Variants in WNK1 observed in about 807,000 individuals in gnomAD.
WNK1 encodes serine/threonine-protein kinase WNK1.
In WNK1, 38 loss-of-function variants were observed where a neutral mutation model predicts 222.8. The ratio of observed to expected loss-of-function variants is 0.17; its 90% CI spans 0.13 to 0.22. The LOEUF (loss-of-function observed/expected upper bound fraction) is 0.22. Among genes scored for constraint, WNK1 ranks in the 10% least tolerant of loss-of-function variants. WNK1 has a pLI of 1.00. For synonymous variants in WNK1, 1,090 were observed against 1,092.9 expected (o/e 1.00, Z 0.05); for missense variants, 2,348 against 2,918.4 (o/e 0.80, Z 4.50).
chr12:874,948 T>G (rs1360878772), intron 9 of WNK1, among the ~76,000 whole-genome samples: 3 of 152,046 alleles, frequency 2.0e-5, no homozygotes, highest in Non-Finnish European at 4.4e-5. Context: ...CAGGAAGACT[T>G]TAGGAAAAAG....
rs535198726 is a variant in WNK1 at position 791,118 on chromosome 12, G to A, written c.760-22524G>A. On this transcript the variant is annotated intron_variant, in intron 1 of 27. Coordinates refer to ENST00000315939, the MANE Select transcript of WNK1 (RefSeq NM_018979.4). ...ACCTTTTTTTAAGGATTGGCAGATC[G>A]TAGTAAATATTGTGGATGTCATAGT... Among the ~76,000 whole-genome samples, 17 of 151,990 alleles carry A rather than the reference G, an allele frequency of 1.1e-4. 1 individual carries two copies. The highest frequency in any genetic ancestry group is 4.1e-4 in the South Asian group (2 of 4,822).
At chr12:891,727 C>T (rs1179442796) in intron 22 of WNK1, among the ~76,000 whole-genome samples, 1 of 150,994 alleles carries the variant, frequency 6.6e-6, no homozygotes, top group Non-Finnish European at 1.5e-5. Flanking sequence ...GAGGGCAACA[C>T]TATTTTACAG....
intron 25 of WNK1, among the ~76,000 whole-genome samples, chr12:899,209 G>A (rs1479603713): frequency 6.6e-6 from 1 of 152,220 alleles, no homozygotes; most frequent in Non-Finnish European, 1.5e-5. Flanking sequence ...ATATCCAAAT[G>A]TAGCACATTA....
At chr12:904,088 G>A (rs560875732) in intron 26 of WNK1, among the ~76,000 whole-genome samples, 12 of 152,356 alleles carry the variant, frequency 7.9e-5, no homozygotes, top group Non-Finnish European at 1.5e-4. Flanking sequence ...CAGGAAGTGG[G>A]ACAGGATCAG....
chr12:767,982 C>T (rs1207365869), intron 1 of WNK1, among the ~76,000 whole-genome samples: 2 of 152,068 alleles, frequency 1.3e-5, no homozygotes. Context: ...TCTTTTCTAC[C>T]TAGACAAAAA....
At chr12:854,641 C>G (rs1950646705) in intron 4 of WNK1, among the ~76,000 whole-genome samples, 1 of 152,068 alleles carries the variant, frequency 6.6e-6, no homozygotes, top group African/African-American at 2.4e-5. Context: ...AGCCACCATG[C>G]CTGGCCAAGA....
chr12:768,652 G>C (rs1049090311), intron 1 of WNK1, among the ~76,000 whole-genome samples: 4 of 152,108 alleles, frequency 2.6e-5, no homozygotes, highest in African/African-American at 9.7e-5. Flanking sequence ...TCACAAATCT[G>C]TATTTACTGA....
Position 885,880 on chromosome 12 carries a change from C to G in WNK1, c.5076C>G (p.Ile1692Met), listed in dbSNP as rs1386856165. Reference protein sequence around the residue: ...LVIESTVTPGIPTTAVAPSKL... With the variant: ...LVIESTVTPGMPTTAVAPSKL... ...TAGAGAGCACTGTCACACCAGGCAT[C>G]CCAACTACTGCTGTTGCACCAAGCA... Residue 1692 changes from isoleucine (I) to methionine (M), a missense_variant, in exon 19 of 28, where the codon ATC becomes ATG. Coordinates refer to ENST00000315939, the MANE Select transcript of WNK1 (RefSeq NM_018979.4). 19 of 1,612,936 alleles carry G rather than the reference C, an allele frequency of 1.2e-5. No individual in the cohort carries two copies. Among genetic ancestry groups the G allele is most frequent in the Non-Finnish European group, 1.5e-5 (18 of 1,179,230 alleles).
intron 4 of WNK1, among the ~76,000 whole-genome samples, chr12:838,814 C>G (rs574997977): frequency 6.6e-6 from 1 of 151,864 alleles, no homozygotes; most frequent in East Asian, 1.9e-4. Context: ...AATTTTTTTT[C>G]CAAAAAAATT....
chr12:784,535 G>A (rs928890018), intron 1 of WNK1, among the ~76,000 whole-genome samples: 1 of 152,036 alleles, frequency 6.6e-6, no homozygotes, highest in African/African-American at 2.4e-5. Flanking sequence ...CATTATTGAA[G>A]TATAGTTGAC....
At chr12:897,742 G>A (rs922661308) in intron 25 of WNK1, 61 bp downstream of exon 25, 3 of 1,523,284 alleles carry the variant, frequency 2.0e-6, no homozygotes, top group South Asian at 1.1e-5. Flanking sequence ...GTCTCCAGCT[G>A]TATGTGACCT....
intron 9 of WNK1, among the ~76,000 whole-genome samples, chr12:877,459 G>A (rs1032627870): frequency 5.3e-5 from 8 of 152,114 alleles, no homozygotes; most frequent in African/African-American, 1.9e-4. Context: ...ACAGAATTTA[G>A]TATTCGAGTA....
intron 1 of WNK1, among the ~76,000 whole-genome samples, chr12:808,867 G>A (rs1284190067): frequency 6.6e-6 from 1 of 150,554 alleles, no homozygotes; most frequent in Non-Finnish European, 1.5e-5. Context: ...AGGTTCAAGC[G>A]ATTCTCTGGC....
At position 827,142 on chromosome 12, in the gene WNK1, A is replaced by G. The variant is rs754625654; in HGVS notation, c.1033A>G (p.Ile345Val). Residue 345 changes from isoleucine (I) to valine (V), a missense_variant, in exon 3 of 28, where the codon ATC becomes GTC. Coordinates refer to ENST00000315939, the MANE Select transcript of WNK1 (RefSeq NM_018979.4). This position sits in a 1 kb window ranked among gnomAD's most constrained non-coding sequence, Gnocchi z 4.6. ...GTTTCTTCATACTCGAACTCCACCTATCATTCACCGCGATCTTAAATGTGA... is the reference window on the plus strand; with the variant it reads ...GTTTCTTCATACTCGAACTCCACCTGTCATTCACCGCGATCTTAAATGTGA... The part of the protein sequence containing the change: ...LQFLHTRTPP[I>V]IHRDLKCDNI... 49 of 1,614,054 alleles carry G rather than the reference A, an allele frequency of 3.0e-5. No homozygotes were observed. Among genetic ancestry groups the G allele is most frequent in the East Asian group, 2.7e-4 (12 of 44,892 alleles).
intron 2 of WNK1, among the ~76,000 whole-genome samples, chr12:823,893 G>C (rs1948117190): frequency 7.2e-6 from 1 of 139,102 alleles, no homozygotes; most frequent in Non-Finnish European, 1.5e-5. Flanking sequence ...TGATATATCA[G>C]AGACATCTTT....
chr12:754,339 A>C lies in WNK1; in HGVS notation c.759+15A>C, dbSNP rs11064518. ...GTGAACTGCAGGTAAAGCCCCACCT[A>C]CTTTATTTGACGGTCCTTTGGATCC... On this transcript the variant is annotated intron_variant, in intron 1 of 27. Coordinates refer to ENST00000315939, the MANE Select transcript of WNK1 (RefSeq NM_018979.4). 0.027 allele frequency: 43,375 copies of C among 1,613,154 alleles called. 1,407 individuals are homozygous for C. Among genetic ancestry groups the C allele is most frequent in the Admixed American group, 0.13 (8,065 of 60,012 alleles).
At position 881,947 on chromosome 12, in the gene WNK1, C is replaced by T; in HGVS notation, c.3246C>T (p.Gly1082=). 6.2e-7 allele frequency: 1 copy of T among 1,614,108 alleles called. No homozygotes were observed. Among genetic ancestry groups the T allele is most frequent in the Non-Finnish European group, 8.5e-7 (1 of 1,180,016 alleles). The change falls in exon 14 of 28, where the codon GGC becomes GGT. Residue 1082 remains glycine (G), a synonymous_variant. Transcript: ENST00000315939. Reference sequence around the variant, plus strand: ...ATGTTGCTTCAGGTATGAGTGATGGCAATGAGAACGTCCCATCTTCCAGTG... The same window carrying T: ...ATGTTGCTTCAGGTATGAGTGATGGTAATGAGAACGTCCCATCTTCCAGTG... ...HSDVASGMSD[G]NENVPSSSGR...
At chr12:857,349 A>G in intron 5 of WNK1, 100 bp downstream of exon 5, 2 of 1,118,646 alleles carry the variant, frequency 1.8e-6, no homozygotes, top group Non-Finnish European at 2.7e-6. Flanking sequence ...AATATTTGTG[A>G]TTGGTTTCTC....
chr12:817,391 A>T (rs1357240197), intron 2 of WNK1, among the ~76,000 whole-genome samples: 1 of 152,174 alleles, frequency 6.6e-6, no homozygotes, highest in East Asian at 1.9e-4. Flanking sequence ...TCAGAATTTA[A>T]GAATTCTGAT....
Sources: allele counts gnomAD v4.1 joint callset (sites outside exome capture counted in the v4.1 genomes callset), GRCh38; gene constraint gnomAD v4.1.1; non-coding constraint Gnocchi (gnomAD v3.1); transcripts MANE v1.5; gene names NCBI Gene and HGNC (gene_info 2026-07-23, HGNC 2026-07-21).